The following SCOC variants were observed in gnomAD, a reference collection of about 807,000 sequenced individuals.
The protein encoded by SCOC is short coiled coil protein.
Under a neutral mutation model 9.9 loss-of-function variants are expected in SCOC, and 7 were observed. The observed-to-expected ratio is 0.71, with a 90% CI of 0.40 to 1.33. SCOC has a LOEUF of 1.33. Among genes scored for constraint, SCOC ranks in the 40% most tolerant of loss-of-function variants. SCOC has a pLI of 0.01. For missense variants in SCOC, 66 were observed against 89.7 expected (o/e 0.74, Z 1.07); for synonymous variants, 19 against 28.2 (o/e 0.67, Z 1.03).
At chr4:140,340,529 A>G (rs937689676), upstream of SCOC, among the ~76,000 whole-genome samples, 1 of 152,026 alleles carries the variant, frequency 6.6e-6, no homozygotes, top group African/African-American at 2.4e-5. Flanking sequence ...ATTTTGGGCA[A>G]CTGGATATCC....
chr4:140,363,796 G>A (rs956173017), intron 2 of SCOC, among the ~76,000 whole-genome samples: 2 of 152,194 alleles, frequency 1.3e-5, no homozygotes, highest in Non-Finnish European at 2.9e-5. Context: ...GCCTATAGCA[G>A]TAAAAAGTAA....
At chr4:140,267,103 A>T (rs1730742883) in intron 1 of SCOC, among the ~76,000 whole-genome samples, 1 of 152,232 alleles carries the variant, frequency 6.6e-6, no homozygotes, top group African/African-American at 2.4e-5. Flanking sequence ...TACCAAACCC[A>T]GACCACACCC....
intron 1 of SCOC, among the ~76,000 whole-genome samples, chr4:140,263,372 C>T (rs1407333555): frequency 6.6e-6 from 1 of 152,192 alleles, no homozygotes; most frequent in Non-Finnish European, 1.5e-5. Context: ...TGCTGATGTA[C>T]AGCTAAAAGA....
chr4:140,322,906 T>C (rs6852549), intron 1 of SCOC, among the ~76,000 whole-genome samples: 17,493 of 152,086 alleles, frequency 0.12, 1,441 homozygotes, highest in African/African-American at 0.24. Flanking sequence ...TGGAGATCTT[T>C]AGAGGCCGCC....
chr4:140,260,174 G>A (rs1730600309), intron 1 of SCOC, among the ~76,000 whole-genome samples: 1 of 152,184 alleles, frequency 6.6e-6, no homozygotes. Flanking sequence ...GTCCTGTGTG[G>A]TGAACTCCTC....
chr4:140,331,976 AAGCTGG>A (rs1186553089), intron 1 of SCOC, among the ~76,000 whole-genome samples: 2 of 145,154 alleles, frequency 1.4e-5, no homozygotes, highest in Non-Finnish European at 3.0e-5. Context: ...GTGGAAGGCA[AAGCTGG>A]AGCAGGCATC....
chr4:140,288,215 C>T (rs1731355372), intron 1 of SCOC, among the ~76,000 whole-genome samples: 1 of 151,974 alleles, frequency 6.6e-6, no homozygotes, highest in Non-Finnish European at 1.5e-5. Context: ...CACACATGCA[C>T]ACCCCATGTA....
chr4:140,319,198 T>A (rs1398257747), intron 1 of SCOC, among the ~76,000 whole-genome samples: 2 of 152,166 alleles, frequency 1.3e-5, no homozygotes, highest in Non-Finnish European at 2.9e-5. Flanking sequence ...TTCAAGTGAT[T>A]ATCCTGCCTC....
At chr4:140,367,534 C>T (rs183301489) in intron 2 of SCOC, among the ~76,000 whole-genome samples, 1 of 151,912 alleles carries the variant, frequency 6.6e-6, no homozygotes, top group Admixed American at 6.6e-5. Context: ...TGTGTGCTGC[C>T]ATGCCTGGCT....
intron 1 of SCOC, among the ~76,000 whole-genome samples, chr4:140,301,634 CTTGATCA>C (rs1267761013): frequency 1.3e-5 from 2 of 152,126 alleles, no homozygotes; most frequent in Non-Finnish European, 2.9e-5. Context: ...TTGTAGGATT[CTTGATCA>C]GTCTTGCCTG....
At chr4:140,359,917 T>G (rs1727391077) in intron 2 of SCOC, among the ~76,000 whole-genome samples, 1 of 152,224 alleles carries the variant, frequency 6.6e-6, no homozygotes. Context: ...CATTTTTTCT[T>G]TAGTCGCTTG....
At chr4:140,295,542 C>T (rs956694728) in intron 1 of SCOC, among the ~76,000 whole-genome samples, 2 of 152,138 alleles carry the variant, frequency 1.3e-5, no homozygotes, top group Non-Finnish European at 2.9e-5. Context: ...GGCTGAAAGA[C>T]AGAAAGAACA....
chr4:140,366,751 A>G, intron 2 of SCOC: 7 of 1,536,612 alleles, frequency 4.6e-6, no homozygotes, highest in Non-Finnish European at 6.3e-6. Flanking sequence ...TCCATCAACC[A>G]AAGCCCTGTT....
chr4:140,328,659 A>T (rs11100615), intron 1 of SCOC, among the ~76,000 whole-genome samples: 2 of 152,120 alleles, frequency 1.3e-5, no homozygotes, highest in Non-Finnish European at 2.9e-5. Context: ...TGTTGGATAC[A>T]TATTACGTAT....
intron 1 of SCOC, among the ~76,000 whole-genome samples, chr4:140,286,826 C>T (rs1351289582): frequency 1.3e-5 from 2 of 152,192 alleles, no homozygotes; most frequent in Admixed American, 1.3e-4. Flanking sequence ...TGACTCTCAT[C>T]AGCCAATACT....
chr4:140,363,001 A>G (rs1278295984), intron 2 of SCOC, among the ~76,000 whole-genome samples: 1 of 152,208 alleles, frequency 6.6e-6, no homozygotes, highest in Non-Finnish European at 1.5e-5. Context: ...AGCAACTTTA[A>G]GGGATGAGGT....
upstream of SCOC, among the ~76,000 whole-genome samples, chr4:140,369,907 TCG>T: frequency 7.4e-6 from 1 of 135,520 alleles, no homozygotes; most frequent in Non-Finnish European, 1.6e-5. Context: ...AGATGGAGTT[TCG>T]CTCTTGTTGT....
At chr4:140,330,060 C>CATT (rs1169775554) in intron 1 of SCOC, among the ~76,000 whole-genome samples, 7 of 152,212 alleles carry the variant, frequency 4.6e-5, no homozygotes, top group African/African-American at 1.7e-4. Flanking sequence ...GCCCAAATGC[C>CATT]CATCAGTCAA....
At chr4:140,343,527 C>A in intron 1 of SCOC, 2 of 756,050 alleles carry the variant, frequency 2.6e-6, no homozygotes, top group South Asian at 3.3e-5. Flanking sequence ...GATCAGATAG[C>A]ACCTGCTTGG....
Sources: allele counts gnomAD v4.1 joint callset (sites outside exome capture counted in the v4.1 genomes callset), GRCh38; gene constraint gnomAD v4.1.1; transcripts MANE v1.5; gene names NCBI Gene and HGNC (gene_info 2026-07-23, HGNC 2026-07-21).